Variants in CSMD2 observed in about 807,000 individuals in gnomAD.
CSMD2 encodes the protein CUB and Sushi multiple domains 2.
A neutral mutation model predicts 398.5 loss-of-function variants in CSMD2; 130 were observed. The ratio of observed to expected loss-of-function variants is 0.33; its 90% CI spans 0.28 to 0.38. CSMD2 has a LOEUF of 0.38. CSMD2 is among the 10% of genes least tolerant of loss of function. The pLI, the probability that CSMD2 is intolerant of heterozygous loss-of-function variation, is 1.00. For missense variants in CSMD2, 3,829 were observed against 4,764.9 expected (o/e 0.80, Z 5.78); for synonymous variants, 1,828 against 1,908.5 (o/e 0.96, Z 1.10).
intron 3 of CSMD2, among the ~76,000 whole-genome samples, chr1:33,993,181 C>T (rs553380691): frequency 1.3e-5 from 2 of 152,110 alleles, no homozygotes; most frequent in African/African-American, 2.4e-5. Flanking sequence ...TGGAAGGTTA[C>T]GCATCAATCC....
At chr1:33,984,979 A>C (rs1646304783) in intron 3 of CSMD2, among the ~76,000 whole-genome samples, 2 of 152,178 alleles carry the variant, frequency 1.3e-5, no homozygotes, top group South Asian at 4.1e-4. Flanking sequence ...ATGGGTAATG[A>C]TTGCTTATTA....
chr1:33,785,932 C>T (rs991431528), intron 12 of CSMD2, among the ~76,000 whole-genome samples: 6 of 152,300 alleles, frequency 3.9e-5, no homozygotes, highest in Non-Finnish European at 8.8e-5. Flanking sequence ...CATAAACATT[C>T]GGGGGCCATC....
At chr1:33,542,923 CACCA>C in intron 57 of CSMD2, 27 bp from the exon 58 acceptor site, 2 of 1,605,988 alleles carry the variant, frequency 1.2e-6, no homozygotes, top group Non-Finnish European at 1.7e-6. Flanking sequence ...ACACATTATT[CACCA>C]GAACAATGGT....
At chr1:34,096,915 A>G (rs1432016445) in intron 1 of CSMD2, among the ~76,000 whole-genome samples, 5 of 149,438 alleles carry the variant, frequency 3.3e-5, no homozygotes, top group Non-Finnish European at 7.4e-5. Context: ...AAACTACTTT[A>G]AAGTTCATAT....
intron 55 of CSMD2, among the ~76,000 whole-genome samples, chr1:33,554,246 A>G (rs1438213148): frequency 7.4e-6 from 1 of 135,008 alleles, no homozygotes; most frequent in Non-Finnish European, 1.5e-5. Context: ...GCTGGAGTAC[A>G]GTGGCACCAT....
intron 3 of CSMD2, among the ~76,000 whole-genome samples, chr1:33,950,808 C>T (rs1428460945): frequency 2.0e-5 from 3 of 152,180 alleles, no homozygotes; most frequent in Non-Finnish European, 4.4e-5. Flanking sequence ...ATAGAAGAAG[C>T]CTTATGCCAT....
intron 6 of CSMD2, among the ~76,000 whole-genome samples, chr1:33,832,152 C>T (rs1327776476): frequency 1.6e-5 from 2 of 126,876 alleles, no homozygotes; most frequent in Non-Finnish European, 1.6e-5. Flanking sequence ...CAGCTCTGCA[C>T]CAAGTGGACC....
At chr1:33,892,414 C>T (rs1642086166) in intron 5 of CSMD2, among the ~76,000 whole-genome samples, 7 of 152,042 alleles carry the variant, frequency 4.6e-5, no homozygotes, top group Admixed American at 4.6e-4. Flanking sequence ...TTTAGTCCAC[C>T]CATCACCTGA....
intron 5 of CSMD2, among the ~76,000 whole-genome samples, chr1:33,908,067 C>T (rs6425862): frequency 0.67 from 91,343 of 136,068 alleles, 31,491 homozygotes; most frequent in African/African-American, 0.92. Flanking sequence ...GCCTGGCTGA[C>T]AGAGCAAGAC....
At chr1:33,706,851 TTGTGTGCGTGTGCA>T (rs1296625965) in intron 22 of CSMD2, among the ~76,000 whole-genome samples, 3 of 151,276 alleles carry the variant, frequency 2.0e-5, no homozygotes, top group Non-Finnish European at 3.0e-5. Flanking sequence ...CGTGTGTGCA[TTGTGTGCGTGTGCA>T]TGTGTGTGCA....
chr1:33,649,130 T>C (rs1571082951), intron 28 of CSMD2, among the ~76,000 whole-genome samples: 1 of 152,216 alleles, frequency 6.6e-6, no homozygotes, highest in Non-Finnish European at 1.5e-5. Context: ...CTCTTAAGTA[T>C]ATATCTAACA....
chr1:33,657,464 ACT>A (rs1643982484), intron 27 of CSMD2, among the ~76,000 whole-genome samples: 2 of 152,166 alleles, frequency 1.3e-5, no homozygotes, highest in Admixed American at 1.3e-4. Flanking sequence ...ACAGAGTGAG[ACT>A]CTATCTCTAA....
chr1:33,517,768 C>T (rs1653894110), intron 70 of CSMD2, among the ~76,000 whole-genome samples: 1 of 152,190 alleles, frequency 6.6e-6, no homozygotes, highest in South Asian at 2.1e-4. Flanking sequence ...TGCTGAGTCC[C>T]TGACTCACTC....
intron 46 of CSMD2, among the ~76,000 whole-genome samples, chr1:33,585,811 G>C (rs568500956): frequency 1.3e-5 from 2 of 152,190 alleles, no homozygotes; most frequent in African/African-American, 4.8e-5. Flanking sequence ...AACAGTAGTC[G>C]CACTAATGAT....
chr1:33,978,413 T>A (rs1016052527), intron 3 of CSMD2, among the ~76,000 whole-genome samples: 2 of 152,004 alleles, frequency 1.3e-5, no homozygotes, highest in African/African-American at 4.8e-5. Flanking sequence ...GCATGACACA[T>A]CACAGAGGGC....
At chr1:33,655,127 T>A (rs931446634) in intron 27 of CSMD2, among the ~76,000 whole-genome samples, 1 of 152,192 alleles carries the variant, frequency 6.6e-6, no homozygotes, top group African/African-American at 2.4e-5. Context: ...GTTGCCCAGA[T>A]GGGAGTGGGT....
chr1:33,723,485 G>C (rs1646426842), intron 19 of CSMD2, among the ~76,000 whole-genome samples: 1 of 152,198 alleles, frequency 6.6e-6, no homozygotes, highest in Admixed American at 6.5e-5. Context: ...CACATGGGTG[G>C]CACCGAATAC....
At chr1:33,699,170 G>A (rs1645523779) in intron 23 of CSMD2, among the ~76,000 whole-genome samples, 1 of 152,178 alleles carries the variant, frequency 6.6e-6, no homozygotes, top group African/African-American at 2.4e-5. Flanking sequence ...GCTTTTAATA[G>A]TTTTCAGGCC....
At chr1:33,648,799 G>A (rs1025851567) in intron 28 of CSMD2, among the ~76,000 whole-genome samples, 3 of 152,050 alleles carry the variant, frequency 2.0e-5, no homozygotes, top group African/African-American at 7.2e-5. Context: ...AAATCATTAG[G>A]CATCCACTTT....
Sources: allele counts gnomAD v4.1 joint callset (sites outside exome capture counted in the v4.1 genomes callset), GRCh38; gene constraint gnomAD v4.1.1; transcripts MANE v1.5; gene names NCBI Gene and HGNC (gene_info 2026-07-23, HGNC 2026-07-21).